Variants in RRM2 observed in about 807,000 individuals in gnomAD.
RRM2 encodes the protein ribonucleoside-diphosphate reductase subunit M2.
In RRM2, 6 loss-of-function variants were observed where a neutral mutation model predicts 45.9. The observed-to-expected ratio is 0.13, with a 90% CI of 0.07 to 0.26. The LOEUF (loss-of-function observed/expected upper bound fraction) is 0.26, where lower values mean the gene tolerates loss of function less well. RRM2 is among the 10% of genes least tolerant of loss of function. RRM2 has a pLI of 1.00. For synonymous variants in RRM2, 177 were observed against 173.0 expected (o/e 1.02, Z -0.18); for missense variants, 343 against 489.5 (o/e 0.70, Z 2.82).
rs1359342297 is a variant in RRM2 at position 10,127,381 on chromosome 2, A to C, written c.798+161A>C. On this transcript the variant is annotated intron_variant, in intron 7 of 9. Coordinates refer to ENST00000304567, the MANE Select transcript of RRM2 (RefSeq NM_001034.4). This position sits in a 1 kb window ranked among gnomAD's most constrained non-coding sequence, Gnocchi z 4.1. Reference sequence around the variant, plus strand: ...CTTGACAAAAGAAGGAAATACTTTCATTTACTGAAACTGTTTTACTTGCAT... The same window carrying C: ...CTTGACAAAAGAAGGAAATACTTTCCTTTACTGAAACTGTTTTACTTGCAT... 5.9e-6 allele frequency: 4 copies of C among 681,476 alleles called. No homozygotes were observed. Among genetic ancestry groups the C allele is most frequent in the Non-Finnish European group, 9.7e-6 (4 of 412,926 alleles). The allele number at this position is 681,476 out of a possible 1,614,324, so 42.2% of individuals were successfully genotyped here. A position where few individuals can be genotyped will look rare whatever the true frequency, so the allele number is the denominator to read the frequency against.
chr2:10,150,317 G>A (rs902173829), intron 3 of RRM2, among the ~76,000 whole-genome samples: 1 of 151,986 alleles, frequency 6.6e-6, no homozygotes, highest in African/African-American at 2.4e-5. Context: ...CACGGTGGCA[G>A]GTGCTTATAA....
chr2:10,175,273 C>T (rs1458371938), intron 3 of RRM2, among the ~76,000 whole-genome samples: 1 of 152,200 alleles, frequency 6.6e-6, no homozygotes, highest in Non-Finnish European at 1.5e-5. Context: ...GATTCTATTG[C>T]CATAGAATAG....
Position 10,127,817 on chromosome 2 carries a change from G to A in RRM2, c.798+597G>A, listed in dbSNP as rs1662814317. ...GTTATTGATGGGATTGGGATTTTAA[G>A]GGATGTTTTATTATTTTTGCCTGGT... On this transcript the variant is annotated intron_variant, in intron 7 of 9. Coordinates refer to ENST00000304567, the MANE Select transcript of RRM2 (RefSeq NM_001034.4). This position sits in a 1 kb window ranked among gnomAD's most constrained non-coding sequence, Gnocchi z 4.1. Among the ~76,000 whole-genome samples, 1 of 151,946 alleles carries A rather than the reference G, an allele frequency of 6.6e-6. No individual in the cohort carries two copies. Among genetic ancestry groups the A allele is most frequent in the African/African-American group, 2.4e-5 (1 of 41,382 alleles).
chr2:10,139,331 A>T (rs1186231753), upstream of RRM2, among the ~76,000 whole-genome samples: 1 of 152,198 alleles, frequency 6.6e-6, no homozygotes, highest in Non-Finnish European at 1.5e-5. Flanking sequence ...ACTGGCTCAT[A>T]TTTCTAAGAG....
downstream of RRM2, among the ~76,000 whole-genome samples, chr2:10,133,596 C>T (rs1662939911): frequency 6.6e-6 from 1 of 152,142 alleles, no homozygotes; most frequent in African/African-American, 2.4e-5. Context: ...CCTCTTCCAG[C>T]AGTCCCTGAG....
upstream of RRM2, chr2:10,122,708 A>G: frequency 1.3e-6 from 2 of 1,550,970 alleles, no homozygotes; most frequent in South Asian, 1.2e-5. Context: ...GGCGCGGGAG[A>G]TTTAAAGGCT....
At chr2:10,165,486 C>T (rs1663658447) in intron 3 of RRM2, among the ~76,000 whole-genome samples, 1 of 152,224 alleles carries the variant, frequency 6.6e-6, no homozygotes, top group Admixed American at 6.5e-5. Context: ...GGGGTGAGGA[C>T]CACGGCGCAG....
intron 3 of RRM2, among the ~76,000 whole-genome samples, chr2:10,199,770 A>C (rs1281660376): frequency 1.8e-5 from 2 of 113,258 alleles, no homozygotes; most frequent in Admixed American, 1.2e-4. Flanking sequence ...ACAGAGTGAG[A>C]CTCAGTCTCA....
intron 3 of RRM2, among the ~76,000 whole-genome samples, chr2:10,202,710 A>G (rs1415401085): frequency 6.6e-6 from 1 of 152,172 alleles, no homozygotes; most frequent in African/African-American, 2.4e-5. Context: ...GTTTATGATC[A>G]TGCTGACATT....
At position 10,148,947 on chromosome 2, in the gene RRM2, G is replaced by C. The variant is rs113431095; in HGVS notation, n.482+6572G>C. ...CTCACTTTCCTCAGTCTTGTTCTCA[G>C]TGTCTTGATTGTGTCTTGAGCAATA... On this transcript the variant is annotated intron_variant and non_coding_transcript_variant, in intron 3 of 3. Transcript: ENST00000381786. 8.8e-3 allele frequency among the ~76,000 whole-genome samples: 1,342 copies of C among 152,084 alleles called. 18 individuals are homozygous for C. Among genetic ancestry groups the C allele is most frequent in the African/African-American group, 0.031 (1,295 of 41,480 alleles).
At chr2:10,181,168 C>G (rs1664039141) in intron 3 of RRM2, among the ~76,000 whole-genome samples, 1 of 152,210 alleles carries the variant, frequency 6.6e-6, no homozygotes. Flanking sequence ...CTCACACTAT[C>G]TCATTTAATT....
intron 7 of RRM2, among the ~76,000 whole-genome samples, chr2:10,128,195 T>G (rs887848724): frequency 1.3e-5 from 2 of 152,182 alleles, no homozygotes; most frequent in Non-Finnish European, 2.9e-5. Flanking sequence ...TTTCTCCTGT[T>G]TGATCTAGAA....
At chr2:10,167,461 G>A (rs1030582943) in intron 3 of RRM2, among the ~76,000 whole-genome samples, 3 of 152,074 alleles carry the variant, frequency 2.0e-5, no homozygotes, top group Non-Finnish European at 4.4e-5. Flanking sequence ...GTGTGTGTCC[G>A]TGCCTGTGCG....
At chr2:10,162,739 G>T (rs1374907956) in intron 3 of RRM2, among the ~76,000 whole-genome samples, 2 of 148,844 alleles carry the variant, frequency 1.3e-5, no homozygotes, top group African/African-American at 5.0e-5. Context: ...ATCTTGCTGT[G>T]TGGCCTCGGG....
chr2:10,176,849 T>C (rs550959704), intron 3 of RRM2, among the ~76,000 whole-genome samples: 2 of 152,358 alleles, frequency 1.3e-5, no homozygotes, highest in African/African-American at 4.8e-5. Context: ...CATAGGCACC[T>C]GTTTCTCCTG....
At chr2:10,138,777 A>C (rs893324893), upstream of RRM2, among the ~76,000 whole-genome samples, 8 of 152,222 alleles carry the variant, frequency 5.3e-5, no homozygotes, top group Non-Finnish European at 8.8e-5. Flanking sequence ...TTTCATAAGC[A>C]ACTTTTTCAC....
At chr2:10,174,574 T>TA (rs5829250) in intron 3 of RRM2, among the ~76,000 whole-genome samples, 65,425 of 143,180 alleles carry the variant, frequency 0.46, 15,648 homozygotes, top group East Asian at 0.6. Context: ...ATTATTTCCT[T>TA]AAAAAAAAAA....
At chr2:10,163,681 G>A (rs1019286314) in intron 3 of RRM2, among the ~76,000 whole-genome samples, 13 of 152,378 alleles carry the variant, frequency 8.5e-5, no homozygotes, top group Admixed American at 7.8e-4. Context: ...CCAGGCGCGA[G>A]CCTCGGTTCC....
At chr2:10,131,863 C>A (rs927326189), downstream of RRM2, among the ~76,000 whole-genome samples, 1 of 152,206 alleles carries the variant, frequency 6.6e-6, no homozygotes, top group Non-Finnish European at 1.5e-5. Flanking sequence ...AAAGGTGGTG[C>A]CCAAAAATAC....
Sources: allele counts gnomAD v4.1 joint callset (sites outside exome capture counted in the v4.1 genomes callset), GRCh38; gene constraint gnomAD v4.1.1; non-coding constraint Gnocchi (gnomAD v3.1); transcripts MANE v1.5; gene names NCBI Gene and HGNC (gene_info 2026-07-23, HGNC 2026-07-21).